ITGBL1: variants seen among roughly 807,000 people sequenced by gnomAD.
The protein encoded by ITGBL1 is integrin subunit beta like 1, also known as integrin beta-like protein 1.
ITGBL1 carries 51 observed loss-of-function variants against 68.5 expected under a neutral mutation model. The ratio of observed to expected loss-of-function variants is 0.74; its 90% CI spans 0.59 to 0.94. The LOEUF (loss-of-function observed/expected upper bound fraction) is 0.94, where lower values mean the gene tolerates loss of function less well. ITGBL1 is among the 40% of genes least tolerant of loss of function. The pLI is 0.00. For synonymous variants in ITGBL1, 209 were observed against 227.3 expected, an observed-to-expected ratio of 0.92 and a Z score of 0.72; for missense variants, 649 against 647.4, an observed-to-expected ratio of 1.00 and a Z score of -0.03.
intron 9 of ITGBL1, among the ~76,000 whole-genome samples, chr13:101,710,622 CAATG>C (rs778919983): frequency 6.6e-6 from 1 of 152,098 alleles, no homozygotes; most frequent in Non-Finnish European, 1.5e-5. Flanking sequence ...TCAAATTTGT[CAATG>C]AAAGTCCCTC....
At chr13:101,675,079 T>A (rs2033468184) in intron 7 of ITGBL1, among the ~76,000 whole-genome samples, 1 of 152,190 alleles carries the variant, frequency 6.6e-6, no homozygotes, top group Non-Finnish European at 1.5e-5. Flanking sequence ...AGAATTCTAA[T>A]TTGACAATTT....
At chr13:101,572,778 G>T (rs1300911187) in intron 3 of ITGBL1, among the ~76,000 whole-genome samples, 1 of 152,090 alleles carries the variant, frequency 6.6e-6, no homozygotes, top group African/African-American at 2.4e-5. Context: ...GGACTTCAGT[G>T]AGGAGTCATA....
At chr13:101,704,484 T>A (rs550380573) in intron 8 of ITGBL1, among the ~76,000 whole-genome samples, 37 of 105,338 alleles carry the variant, frequency 3.5e-4, no homozygotes, top group East Asian at 6.4e-4. Flanking sequence ...ATTCATTCAG[T>A]AAAAAAAAAA....
intron 2 of ITGBL1, among the ~76,000 whole-genome samples, chr13:101,551,981 T>C (rs1481158101): frequency 6.6e-6 from 1 of 152,168 alleles, no homozygotes; most frequent in African/African-American, 2.4e-5. Flanking sequence ...GAACTGATCA[T>C]ATTTTCATGG....
intron 2 of ITGBL1, among the ~76,000 whole-genome samples, chr13:101,530,086 G>A (rs1415914559): frequency 3.3e-5 from 5 of 152,128 alleles, no homozygotes; most frequent in Non-Finnish European, 7.4e-5. Context: ...AAAATGCCTA[G>A]AGAGAAGAGA....
intron 7 of ITGBL1, among the ~76,000 whole-genome samples, chr13:101,640,840 G>A (rs971712399): frequency 3.9e-5 from 6 of 152,014 alleles, no homozygotes; most frequent in South Asian, 2.1e-4. Flanking sequence ...ATGAGTACCC[G>A]ATGTTTAGCT....
At chr13:101,586,212 T>G (rs544941856) in intron 6 of ITGBL1, among the ~76,000 whole-genome samples, 85 of 152,352 alleles carry the variant, frequency 5.6e-4, no homozygotes, top group East Asian at 1.4e-3. Flanking sequence ...TTTTCCTTTT[T>G]CTCACATTTT....
At chr13:101,695,892 T>A (rs950598455) in intron 8 of ITGBL1, among the ~76,000 whole-genome samples, 2 of 152,202 alleles carry the variant, frequency 1.3e-5, no homozygotes, top group African/African-American at 4.8e-5. Context: ...TGAATTGAAC[T>A]ATAAGCAGCT....
chr13:101,601,689 A>T (rs1428235828), intron 7 of ITGBL1, among the ~76,000 whole-genome samples: 2 of 152,082 alleles, frequency 1.3e-5, no homozygotes, highest in Non-Finnish European at 2.9e-5. Flanking sequence ...TCATTTCGTT[A>T]TGTACCCAGT....
chr13:101,653,040 G>A (rs9513932), intron 7 of ITGBL1, among the ~76,000 whole-genome samples: 35,339 of 151,638 alleles, frequency 0.23, 4,643 homozygotes, highest in Admixed American at 0.31. Context: ...AGGTTGCAGT[G>A]AGCCGAGATC....
chr13:101,701,570 A>G (rs1030310935), intron 8 of ITGBL1, among the ~76,000 whole-genome samples: 2 of 152,060 alleles, frequency 1.3e-5, no homozygotes, highest in Non-Finnish European at 2.9e-5. Flanking sequence ...ATAAAAAATC[A>G]TCTATTTTCT....
intron 2 of ITGBL1, among the ~76,000 whole-genome samples, chr13:101,532,541 T>C (rs188350274): frequency 3.7e-4 from 56 of 152,346 alleles, no homozygotes; most frequent in Middle Eastern, 3.4e-3. Flanking sequence ...ATTTTCTAAA[T>C]AGTGTTTCTG....
At chr13:101,514,892 A>T (rs1018694320) in intron 2 of ITGBL1, among the ~76,000 whole-genome samples, 1 of 152,082 alleles carries the variant, frequency 6.6e-6, no homozygotes, top group Non-Finnish European at 1.5e-5. Context: ...ACTAATAAGC[A>T]CTTTAATATT....
intron 7 of ITGBL1, among the ~76,000 whole-genome samples, chr13:101,642,153 G>A (rs1463287355): frequency 3.3e-5 from 5 of 151,692 alleles, no homozygotes; most frequent in African/African-American, 4.8e-5. Flanking sequence ...CTTCCACAAT[G>A]GTTGAACTAG....
At chr13:101,614,575 C>A (rs1259806274) in intron 7 of ITGBL1, among the ~76,000 whole-genome samples, 3 of 152,172 alleles carry the variant, frequency 2.0e-5, no homozygotes, top group Non-Finnish European at 2.9e-5. Flanking sequence ...TCCCTACAAT[C>A]TGTTCCCAGC....
At chr13:101,508,931 G>A (rs983732084) in intron 2 of ITGBL1, among the ~76,000 whole-genome samples, 1 of 151,948 alleles carries the variant, frequency 6.6e-6, no homozygotes. Flanking sequence ...CGTTAGTAAA[G>A]AACATTGGCT....
chr13:101,554,079 G>C (rs1038453720), intron 2 of ITGBL1, among the ~76,000 whole-genome samples: 8 of 152,068 alleles, frequency 5.3e-5, no homozygotes, highest in African/African-American at 1.9e-4. Flanking sequence ...GCCCGGCCGA[G>C]GTTTCCCCTT....
intron 2 of ITGBL1, among the ~76,000 whole-genome samples, chr13:101,526,820 C>T (rs1270136280): frequency 6.6e-6 from 1 of 151,936 alleles, no homozygotes; most frequent in Non-Finnish European, 1.5e-5. Flanking sequence ...ATAATTTTTT[C>T]TGAATTATTT....
At chr13:101,528,982 G>C (rs573715705) in intron 2 of ITGBL1, among the ~76,000 whole-genome samples, 1 of 151,814 alleles carries the variant, frequency 6.6e-6, no homozygotes, top group African/African-American at 2.4e-5. Context: ...GCAAAACATG[G>C]AATAACATTA....
Sources: allele counts gnomAD v4.1 joint callset (sites outside exome capture counted in the v4.1 genomes callset), GRCh38; gene constraint gnomAD v4.1.1; transcripts MANE v1.5; gene names NCBI Gene and HGNC (gene_info 2026-07-23, HGNC 2026-07-21).